Variants in ZNG1A observed in about 807,000 individuals in gnomAD.
The protein encoded by ZNG1A is zinc-regulated GTPase metalloprotein activator 1A.
chr9:151,111 T>C, the ZNG1A span: 2 of 985,210 alleles, frequency 2.0e-6, no homozygotes, highest in South Asian at 9.4e-5. Flanking sequence ...ACATTTGGTG[T>C]ATGGTTGTAG....
the ZNG1A span, chr9:146,791 T>A: frequency 9.2e-6 from 1 of 109,264 alleles, no homozygotes; most frequent in Non-Finnish European, 1.9e-5. Flanking sequence ...AAATAACATA[T>A]CACAATTAGC....
the ZNG1A span, among the ~76,000 whole-genome samples, chr9:139,251 A>G: frequency 6.7e-6 from 1 of 150,306 alleles, no homozygotes; most frequent in Admixed American, 6.6e-5. Flanking sequence ...ACGCTACGTG[A>G]AATAAACCAG....
chr9:144,272 A>G, the ZNG1A span, among the ~76,000 whole-genome samples: 2 of 124,190 alleles, frequency 1.6e-5, no homozygotes, highest in African/African-American at 6.7e-5. Context: ...AGCTGGAGGC[A>G]TCACACTACC....
the ZNG1A span, among the ~76,000 whole-genome samples, chr9:142,056 C>T: frequency 2.1e-5 from 3 of 143,584 alleles, no homozygotes; most frequent in African/African-American, 8.1e-5. Flanking sequence ...TCCTGAGTGA[C>T]CTACAAAGAG....
the ZNG1A span, among the ~76,000 whole-genome samples, chr9:174,654 C>T: frequency 6.0e-5 from 9 of 150,126 alleles, no homozygotes; most frequent in Non-Finnish European, 1.3e-4. Context: ...AACCAGAAAT[C>T]GAATATAACT....
the ZNG1A span, among the ~76,000 whole-genome samples, chr9:168,281 T>G: frequency 6.6e-6 from 1 of 150,652 alleles, no homozygotes; most frequent in African/African-American, 2.4e-5. Context: ...TGAGATGGAG[T>G]CTCGCTCTGT....
chr9:122,977 G>GT, the ZNG1A span: 1 of 1,318,524 alleles, frequency 7.6e-7, no homozygotes, highest in African/African-American at 1.6e-5. Context: ...AGAGCAGAAG[G>GT]TAACATTTCA....
At chr9:163,693 G>T in the ZNG1A span, among the ~76,000 whole-genome samples, 904 of 151,844 alleles carry the variant, frequency 6.0e-3, 5 homozygotes, top group African/African-American at 0.021. Flanking sequence ...GAGGCTGGCG[G>T]ATCACCTGAA....
the ZNG1A span, chr9:164,057 A>T: frequency 1.9e-6 from 3 of 1,562,040 alleles, no homozygotes; most frequent in South Asian, 3.6e-5. Context: ...TATAATATTC[A>T]TCAAATAAAA....
chr9:145,339 A>G, the ZNG1A span, among the ~76,000 whole-genome samples: 2 of 150,368 alleles, frequency 1.3e-5, no homozygotes, highest in Admixed American at 1.3e-4. Context: ...AAAATGTGGC[A>G]CATATACACC....
the ZNG1A span, among the ~76,000 whole-genome samples, chr9:127,554 T>G: frequency 1.3e-4 from 20 of 152,376 alleles, no homozygotes; most frequent in Middle Eastern, 3.4e-3. Context: ...CCCTTTACCT[T>G]AAGTTTATGT....
the ZNG1A span, among the ~76,000 whole-genome samples, chr9:138,586 G>A: frequency 1.5e-4 from 22 of 148,640 alleles, no homozygotes; most frequent in Non-Finnish European, 5.9e-5. Flanking sequence ...TTAAGGGCAT[G>A]GCTAAGGCAA....
the ZNG1A span, among the ~76,000 whole-genome samples, chr9:144,648 T>C: frequency 6.6e-6 from 1 of 151,788 alleles, no homozygotes; most frequent in African/African-American, 2.4e-5. Flanking sequence ...AAGGACTTCA[T>C]GTCTAAAACA....
chr9:154,803 A>G, the ZNG1A span: 5 of 1,482,982 alleles, frequency 3.4e-6, no homozygotes, highest in East Asian at 6.8e-5. Context: ...TGTCTAAAAT[A>G]GCAAACAGAG....
At chr9:172,176 G>A in the ZNG1A span, 2 of 1,610,630 alleles carry the variant, frequency 1.2e-6, no homozygotes, top group Non-Finnish European at 1.7e-6. Flanking sequence ...ACTGTCCCTG[G>A]AGAATACCAA....
At chr9:174,016 G>C in the ZNG1A span, among the ~76,000 whole-genome samples, 4 of 151,794 alleles carry the variant, frequency 2.6e-5, no homozygotes, top group Admixed American at 2.6e-4. Flanking sequence ...GTGTGGTAGC[G>C]GGTGCCTGTA....
the ZNG1A span, among the ~76,000 whole-genome samples, chr9:144,506 A>C: frequency 6.6e-6 from 1 of 152,144 alleles, no homozygotes; most frequent in Admixed American, 6.5e-5. Flanking sequence ...TAGAAAGCTG[A>C]AACCAGATCC....
the ZNG1A span, among the ~76,000 whole-genome samples, chr9:129,791 G>C: frequency 1.0e-5 from 1 of 97,020 alleles, no homozygotes; most frequent in East Asian, 3.8e-4. Context: ...TTAAAAATTT[G>C]TGGAAGAAGG....
At chr9:139,589 AC>A in the ZNG1A span, among the ~76,000 whole-genome samples, 1 of 152,132 alleles carries the variant, frequency 6.6e-6, no homozygotes, top group African/African-American at 2.4e-5. Flanking sequence ...TCCCTCCCTT[AC>A]CAAAAAGATT....
Sources: gnomAD v4.1 joint callset for allele counts (sites outside exome capture counted in the v4.1 genomes callset) on GRCh38, gnomAD v4.1.1 for gene constraint, MANE v1.5 for transcripts, NCBI Gene and HGNC (gene_info 2026-07-23, HGNC 2026-07-21) for gene names.